The following TLN2 variants were observed in gnomAD, a reference collection of about 807,000 sequenced individuals.
TLN2 encodes the protein talin 2.
In TLN2, 118 loss-of-function variants were observed where a neutral mutation model predicts 294.7. The ratio of observed to expected loss-of-function variants is 0.40; its 90% confidence interval spans 0.34 to 0.47. TLN2 has a LOEUF of 0.47. Ranked by LOEUF, TLN2 falls within the 20% of genes least tolerant of loss-of-function variation. TLN2 has a pLI of 0.84. For missense variants in TLN2, 3,083 were observed against 3,282.2 expected (o/e 0.94, Z 1.48); for synonymous variants, 1,431 against 1,304.5 (o/e 1.10, Z -2.09).
chr15:62,582,207 C>CACACACACACACACAA (rs2045128053), intron 1 of TLN2, among the ~76,000 whole-genome samples: 1 of 117,082 alleles, frequency 8.5e-6, no homozygotes, highest in African/African-American at 3.2e-5. Context: ...CACACACACA[C>CACACACACACACACAA]ACACACACAC....
intron 2 of TLN2, among the ~76,000 whole-genome samples, chr15:62,601,195 G>C (rs2140780515): frequency 6.6e-6 from 1 of 152,218 alleles, no homozygotes; most frequent in East Asian, 1.9e-4. Context: ...AGACATTTTT[G>C]GTTGTCACAA....
At chr15:62,756,299 G>A (rs1467296068) in intron 37 of TLN2, among the ~76,000 whole-genome samples, 4 of 152,186 alleles carry the variant, frequency 2.6e-5, no homozygotes, top group African/African-American at 4.8e-5. Context: ...ATGGGCATGT[G>A]GCGGGTGGGC....
chr15:62,771,733 A>G (rs1388429226), intron 42 of TLN2, among the ~76,000 whole-genome samples: 1 of 152,226 alleles, frequency 6.6e-6, no homozygotes, highest in Non-Finnish European at 1.5e-5. Flanking sequence ...TTTCTTCAGG[A>G]ATAGTGAGTG....
chr15:62,522,100 G>T (rs1432216144), intron 1 of TLN2, among the ~76,000 whole-genome samples: 1 of 152,204 alleles, frequency 6.6e-6, no homozygotes, highest in East Asian at 1.9e-4. Flanking sequence ...CTCTTGGCCA[G>T]CAGGAAGACT....
At chr15:62,702,962 T>G in intron 19 of TLN2, 98 bp downstream of exon 19, 1 of 1,115,450 alleles carries the variant, frequency 9.0e-7, no homozygotes, top group Non-Finnish European at 1.3e-6. Context: ...ACTAAATCTT[T>G]GAGATAGTCA....
chr15:62,833,640 C>A lies in TLN2; in HGVS notation c.7128+11C>A, dbSNP rs1387544190. ...GTGGCCCAAGGAAAGGTGGGTAAAG[C>A]CGCTGACCACATGCGGGACACTCAA... On this transcript the variant is annotated intron_variant, in intron 55 of 58. Transcript: ENST00000636159. 2 of 1,613,222 alleles carry A rather than the reference C, an allele frequency of 1.2e-6. No homozygotes were observed. The highest frequency in any genetic ancestry group is 1.7e-6 in the Non-Finnish European group (2 of 1,179,762).
chr15:62,453,623 T>C (rs1252682446), intron 1 of TLN2: 3 of 152,216 alleles, frequency 2.0e-5, no homozygotes, highest in African/African-American at 7.2e-5. Context: ...GTTTCCCTCT[T>C]GTCCCTTCCT....
intron 3 of TLN2, among the ~76,000 whole-genome samples, chr15:62,630,194 A>G (rs1321167305): frequency 6.6e-6 from 1 of 152,202 alleles, no homozygotes; most frequent in Non-Finnish European, 1.5e-5. Flanking sequence ...TAGGTTGACT[A>G]TCACTTGGAA....
chr15:62,759,430 CCAAACAAA>C lies in TLN2; in HGVS notation c.4639-2233_4639-2226del, dbSNP rs56118016. Among the ~76,000 whole-genome samples the C allele has an allele frequency of 1.8e-4, 27 of 151,948 alleles. 1 individual carries two copies. The South Asian group carries it at 4.0e-3, about 22-fold the overall frequency. On this transcript the variant is annotated intron_variant, in intron 37 of 58. Transcript: ENST00000636159. ...AGGGCCTGTGCTCAAAACAAAAGCC[CCAAACAAA>C]CAAACAAACAAACAAACCCTGTCTT... is the stretch of plus-strand genomic sequence containing the variant.
At chr15:62,759,257 A>G (rs1375282487) in intron 37 of TLN2, among the ~76,000 whole-genome samples, 3 of 152,216 alleles carry the variant, frequency 2.0e-5, no homozygotes, top group Admixed American at 1.3e-4. Flanking sequence ...TGTGCAAACT[A>G]TCCTTTCTGA....
intron 57 of TLN2, among the ~76,000 whole-genome samples, chr15:62,836,816 TATAAAATA>T (rs1430338453): frequency 1.3e-5 from 2 of 152,250 alleles, no homozygotes; most frequent in Non-Finnish European, 2.9e-5. Flanking sequence ...TTTATCTACA[TATAAAATA>T]ATTTTGTCCA....
At chr15:62,442,943 C>T (rs2035630767) in intron 1 of TLN2, among the ~76,000 whole-genome samples, 1 of 152,162 alleles carries the variant, frequency 6.6e-6, no homozygotes, top group South Asian at 2.1e-4. Context: ...CTTCCGTCTT[C>T]CGAGCCAGCA....
intron 3 of TLN2, chr15:62,640,120 C>T (rs932596534): frequency 2.2e-6 from 1 of 454,308 alleles, no homozygotes; most frequent in Non-Finnish European, 4.4e-6. Flanking sequence ...ATTTGCAGCA[C>T]TTCTGGGTGG....
At chr15:62,606,801 A>T (rs1596323720) in intron 2 of TLN2, among the ~76,000 whole-genome samples, 1 of 150,380 alleles carries the variant, frequency 6.6e-6, no homozygotes, top group African/African-American at 2.5e-5. Flanking sequence ...TTGTAGTGTC[A>T]GTCTTTCTAT....
chr15:62,552,405 T>C (rs1205597141), intron 1 of TLN2, among the ~76,000 whole-genome samples: 1 of 152,244 alleles, frequency 6.6e-6, no homozygotes, highest in African/African-American at 2.4e-5. Context: ...CTGTCATTCA[T>C]TGACTTATGA....
chr15:62,499,599 G>T (rs1410989561), intron 1 of TLN2, among the ~76,000 whole-genome samples: 1 of 152,094 alleles, frequency 6.6e-6, no homozygotes, highest in Non-Finnish European at 1.5e-5. Context: ...AAATTAGCAA[G>T]GTTTCTCTTC....
chr15:62,621,650 T>C (rs942060772), intron 3 of TLN2, among the ~76,000 whole-genome samples: 1 of 152,226 alleles, frequency 6.6e-6, no homozygotes, highest in East Asian at 1.9e-4. Flanking sequence ...GAAATGTTAC[T>C]GAGCTCCTGC....
chr15:62,741,767 G>GTGTGTGTGTA (rs1353440110), intron 32 of TLN2, among the ~76,000 whole-genome samples: 1 of 151,560 alleles, frequency 6.6e-6, no homozygotes, highest in African/African-American at 2.4e-5. Context: ...GTGTGTGTGT[G>GTGTGTGTGTA]TCTTTATGTC....
At chr15:62,721,251 T>G (rs566119038) in intron 25 of TLN2, among the ~76,000 whole-genome samples, 1 of 152,216 alleles carries the variant, frequency 6.6e-6, no homozygotes, top group South Asian at 2.1e-4. Context: ...TTCCAGGAGG[T>G]TGAACAAATC....
Sources: allele counts gnomAD v4.1 joint callset (sites outside exome capture counted in the v4.1 genomes callset), GRCh38; gene constraint gnomAD v4.1.1; transcripts MANE v1.5; gene names NCBI Gene and HGNC (gene_info 2026-07-23, HGNC 2026-07-21).